Variants in PDZD2 observed in about 807,000 individuals in gnomAD.
PDZD2 encodes the protein PDZ domain-containing protein 2.
In PDZD2, 90 loss-of-function variants were observed where a neutral mutation model predicts 220.7. That is an observed-to-expected ratio of 0.41 (90% CI 0.34 to 0.49). PDZD2 has a LOEUF of 0.49. PDZD2 is among the 20% of genes least tolerant of loss of function. The probability of loss-of-function intolerance (pLI) is 0.28; values close to 1 mark genes in which losing one functional copy is unlikely to be tolerated. For missense variants in PDZD2, 3,174 were observed against 3,608.5 expected, an observed-to-expected ratio of 0.88 and a Z score of 3.08; for synonymous variants, 1,375 against 1,450.5, an observed-to-expected ratio of 0.95 and a Z score of 1.18.
intron 23 of PDZD2, chr5:32,099,691 C>T (rs1744070687): frequency 6.6e-6 from 1 of 152,256 alleles, no homozygotes; most frequent in Non-Finnish European, 1.5e-5. Flanking sequence ...GAAACCACTT[C>T]ATCCTCACAG....
chr5:31,803,706 C>T (rs1029320843), intron 2 of PDZD2, among the ~76,000 whole-genome samples: 1 of 151,910 alleles, frequency 6.6e-6, no homozygotes, highest in Non-Finnish European at 1.5e-5. Context: ...GAGGGGCAGC[C>T]TGTCGATGTT....
chr5:31,701,020 G>C (rs1485145369), intron 1 of PDZD2, among the ~76,000 whole-genome samples: 2 of 152,116 alleles, frequency 1.3e-5, no homozygotes, highest in African/African-American at 4.8e-5. Context: ...TGTGCCCAAG[G>C]GGGGACAGGT....
chr5:31,660,511 G>A (rs1745719637), intron 1 of PDZD2, among the ~76,000 whole-genome samples: 1 of 152,116 alleles, frequency 6.6e-6, no homozygotes, highest in Admixed American at 6.6e-5. Flanking sequence ...AGAAGGGGAA[G>A]CAAACATGTC....
chr5:32,088,365 A>G lies in PDZD2; in HGVS notation c.4917A>G (p.Arg1639=), dbSNP rs139731713. The G allele has an allele frequency of 1.4e-5, 22 of 1,613,964 alleles. No individual in the cohort carries two copies. Among genetic ancestry groups the G allele is most frequent in the Non-Finnish European group, 1.8e-5 (21 of 1,180,050 alleles). ...KVLSLKYSTP[R]ESVASPREKA... is the part of the protein sequence containing the mutation. The stretch of plus-strand genomic sequence containing the variant: ...TGTCATTAAAATACAGCACTCCGAG[A>G]GAGTCGGTGGCCAGTCCCCGTGAGA... Residue 1639 remains arginine, a synonymous_variant, in exon 20 of 25, where the codon AGA becomes AGG. Transcript: ENST00000438447. The surrounding 1 kb of genome is among the most constrained non-coding windows in gnomAD (Gnocchi z 4.6).
Position 32,037,315 on chromosome 5 carries a change from A to C in PDZD2, c.1492A>C (p.Lys498Gln). Residue 498 changes from lysine (K) to glutamine (Q), a missense_variant, in exon 7 of 25, where the codon AAA becomes CAA. Transcript: ENST00000438447. The stretch of plus-strand genomic sequence containing the variant: ...GGAAAGTCCCAAACAGGGCAGCAAT[A>C]AAATCAAGCTCAAGAGTCGCCTTTC... Reference protein sequence around the residue: ...NLESPKQGSNKIKLKSRLSGG... With the variant: ...NLESPKQGSNQIKLKSRLSGG... The C allele has an allele frequency of 6.2e-7, 1 of 1,612,254 alleles. No individual in the cohort carries two copies. Among genetic ancestry groups the C allele is most frequent in the Non-Finnish European group, 8.5e-7 (1 of 1,178,270 alleles).
intron 2 of PDZD2, among the ~76,000 whole-genome samples, chr5:31,952,505 A>G (rs1747268538): frequency 6.6e-6 from 1 of 152,224 alleles, no homozygotes; most frequent in Non-Finnish European, 1.5e-5. Context: ...TTGCTTATTA[A>G]TGGGGCCAAC....
chr5:32,042,712 G>A (rs1756302998), intron 7 of PDZD2, among the ~76,000 whole-genome samples: 2 of 152,244 alleles, frequency 1.3e-5, no homozygotes, highest in Admixed American at 1.3e-4. Flanking sequence ...ACCAGAGGCT[G>A]AAAAGGAGAA....
intron 20 of PDZD2, among the ~76,000 whole-genome samples, chr5:32,092,310 G>A (rs1385983022): frequency 2.1e-5 from 3 of 143,260 alleles, no homozygotes; most frequent in Non-Finnish European, 4.5e-5. Flanking sequence ...CAGTGGCTCA[G>A]GCCTATAGTC....
chr5:31,949,609 G>A (rs976701532), intron 2 of PDZD2, among the ~76,000 whole-genome samples: 8 of 151,122 alleles, frequency 5.3e-5, no homozygotes, highest in African/African-American at 1.5e-4. Context: ...TGTGTTCTTC[G>A]GGGTTAAGCA....
chr5:31,728,763 A>G (rs961637730), intron 1 of PDZD2, among the ~76,000 whole-genome samples: 9 of 152,246 alleles, frequency 5.9e-5, no homozygotes, highest in Non-Finnish European at 1.3e-4. Context: ...CGTCCTATTC[A>G]TAGCTATTTT....
At chr5:31,987,640 T>A (rs776096751) in intron 3 of PDZD2, among the ~76,000 whole-genome samples, 1 of 152,200 alleles carries the variant, frequency 6.6e-6, no homozygotes, top group Non-Finnish European at 1.5e-5. Context: ...TGTCTCCATC[T>A]TGGATATATT....
intron 2 of PDZD2, among the ~76,000 whole-genome samples, chr5:31,933,000 T>C (rs1376785564): frequency 2.0e-5 from 3 of 151,802 alleles, no homozygotes; most frequent in African/African-American, 7.3e-5. Flanking sequence ...AACCTCTGCC[T>C]CCAGGGTTCA....
chr5:32,081,095 C>T (rs989925240), intron 19 of PDZD2, among the ~76,000 whole-genome samples: 2 of 151,878 alleles, frequency 1.3e-5, no homozygotes, highest in East Asian at 1.9e-4. Context: ...AAAAAAATAC[C>T]GCGGGTTTGT....
At position 31,979,139 on chromosome 5, in the gene PDZD2, G is replaced by A. The variant is rs369347434; in HGVS notation, c.477-4016G>A. Among the ~76,000 whole-genome samples, 4 of 152,144 alleles carry A rather than the reference G, an allele frequency of 2.6e-5. 1 individual carries two copies. In the South Asian group the frequency reaches 6.2e-4, roughly 24 times the overall value. ...AAAAGGTCTCTGCATACCACTCATC[G>A]TGTTGTTTAGAGATTTAACGTATTT... On this transcript the variant is annotated intron_variant, in intron 2 of 24. Coordinates refer to ENST00000438447, the MANE Select transcript of PDZD2 (RefSeq NM_178140.4).
At chr5:31,833,635 C>CAAAAA (rs75394129) in intron 2 of PDZD2, among the ~76,000 whole-genome samples, 1 of 126,320 alleles carries the variant, frequency 7.9e-6, no homozygotes, top group Non-Finnish European at 1.6e-5. Flanking sequence ...GACCCTGTCT[C>CAAAAA]AAAAAAAAAA....
chr5:31,885,187 A>G lies in PDZD2; in HGVS notation c.476+85463A>G, dbSNP rs111974837. ...AAAAAAAAAAAAGAAAAAGAAAAAA[A>G]TGCTTGAGCTGTTAGGTAATCAGAG... On this transcript the variant is annotated intron_variant, in intron 2 of 24. Transcript: ENST00000438447. Among the ~76,000 whole-genome samples the G allele has an allele frequency of 8.3e-3, 1,259 of 151,680 alleles. 21 individuals are homozygous for G. Among genetic ancestry groups the G allele is most frequent in the Middle Eastern group, 0.031 (9 of 294 alleles).
chr5:31,965,088 A>G (rs1404112083), intron 2 of PDZD2, among the ~76,000 whole-genome samples: 1 of 152,230 alleles, frequency 6.6e-6, no homozygotes, highest in Non-Finnish European at 1.5e-5. Flanking sequence ...GAGCAACACC[A>G]GGTTCTTCCT....
chr5:31,959,166 T>C (rs1221881107), intron 2 of PDZD2, among the ~76,000 whole-genome samples: 1 of 149,230 alleles, frequency 6.7e-6, no homozygotes, highest in Non-Finnish European at 1.5e-5. Context: ...CTACTGACCT[T>C]GTGATCCGCC....
intron 1 of PDZD2, among the ~76,000 whole-genome samples, chr5:31,712,451 CCTCTCTCT>C (rs72212182): frequency 0.43 from 55,755 of 130,884 alleles, 11,016 homozygotes; most frequent in African/African-American, 0.53. Context: ...GCTGGGCCTG[CCTCTCTCT>C]CTCTCTCTCT....
Sources: allele counts gnomAD v4.1 joint callset (sites outside exome capture counted in the v4.1 genomes callset), GRCh38; gene constraint gnomAD v4.1.1; non-coding constraint Gnocchi (gnomAD v3.1); transcripts MANE v1.5; gene names NCBI Gene and HGNC (gene_info 2026-07-23, HGNC 2026-07-21).